The following INSYN2A variants were observed in gnomAD, a reference collection of about 807,000 sequenced individuals.
INSYN2A encodes inhibitory synaptic factor 2A, also known as family with sequence similarity 196 member A.
INSYN2A carries 17 observed loss-of-function variants against 39.4 expected under a neutral mutation model. The ratio of observed to expected loss-of-function variants is 0.43; its 90% confidence interval spans 0.30 to 0.65. The LOEUF (loss-of-function observed/expected upper bound fraction) is 0.65, where lower values mean the gene tolerates loss of function less well. Ranked by LOEUF, INSYN2A falls within the 30% of genes least tolerant of loss-of-function variation. The probability of loss-of-function intolerance (pLI) is 0.14; values close to 1 mark genes in which losing one functional copy is unlikely to be tolerated. For synonymous variants in INSYN2A, 255 were observed against 265.7 expected (o/e 0.96, Z 0.39); for missense variants, 595 against 631.2 (o/e 0.94, Z 0.61).
intron 2 of INSYN2A, among the ~76,000 whole-genome samples, chr10:127,183,071 CTTT>C (rs3066813): frequency 0.22 from 19,471 of 88,982 alleles, 1,853 homozygotes; most frequent in Middle Eastern, 0.3. Flanking sequence ...TATGGTGAAT[CTTT>C]TTTTTTTTTT....
intron 5 of INSYN2A, among the ~76,000 whole-genome samples, chr10:127,140,397 G>A (rs935552823): frequency 1.3e-5 from 2 of 152,206 alleles, no homozygotes; most frequent in African/African-American, 4.8e-5. Flanking sequence ...TTATGAGTCT[G>A]TGAGTGCCCA....
chr10:127,185,654 T>C (rs2056164167), intron 2 of INSYN2A, among the ~76,000 whole-genome samples: 1 of 152,212 alleles, frequency 6.6e-6, no homozygotes, highest in South Asian at 2.1e-4. Context: ...CCTGGCTGTA[T>C]AATGAAACAT....
intron 5 of INSYN2A, among the ~76,000 whole-genome samples, chr10:127,143,983 C>T (rs150708256): frequency 6.6e-6 from 1 of 152,184 alleles, no homozygotes. Flanking sequence ...CCCTGGATGA[C>T]TGCAGACCCT....
chr10:127,192,977 TAAAG>T (rs1216409152), intron 1 of INSYN2A, among the ~76,000 whole-genome samples: 5 of 152,218 alleles, frequency 3.3e-5, no homozygotes, highest in South Asian at 2.1e-4. Context: ...AGTATTGGAA[TAAAG>T]ACTTCTCTCA....
At chr10:127,171,071 T>C (rs1167526) in intron 4 of INSYN2A, among the ~76,000 whole-genome samples, 23 of 152,218 alleles carry the variant, frequency 1.5e-4, no homozygotes, top group Non-Finnish European at 3.1e-4. Context: ...GGGAGCTTTG[T>C]AGATACTGTA....
chr10:127,185,024 A>G (rs910795516), intron 2 of INSYN2A, among the ~76,000 whole-genome samples: 1 of 152,186 alleles, frequency 6.6e-6, no homozygotes, highest in African/African-American at 2.4e-5. Flanking sequence ...GCACAAGACC[A>G]TGTAAGAGGA....
At chr10:127,146,228 A>C in intron 5 of INSYN2A, 1 of 252,772 alleles carries the variant, frequency 4.0e-6, no homozygotes, top group Non-Finnish European at 7.9e-6. Context: ...TGGGACTATC[A>C]GTATAATTAG....
At chr10:127,170,765 A>G (rs182246356) in intron 4 of INSYN2A, among the ~76,000 whole-genome samples, 111 of 152,260 alleles carry the variant, frequency 7.3e-4, no homozygotes, top group Non-Finnish European at 1.3e-3. Context: ...TTAGCCTTCA[A>G]TGACTCCCAT....
rs1447640168 is a variant in INSYN2A, at chr10:127,176,146, A to G, written c.250T>C (p.Tyr84His). Reference sequence around the variant, plus strand: ...GCGGGCACTGTCATGTATTTGCGGTAGGCTGCTCTGCAGGACACGGGCTTG... The same window carrying G: ...GCGGGCACTGTCATGTATTTGCGGTGGGCTGCTCTGCAGGACACGGGCTTG... ...EAKPVSCRAA[Y>H]RKYMTVPARR... The change falls in exon 4 of 6, where the codon TAC (tyrosine) becomes CAC (histidine). Residue 84 changes from tyrosine (Y) to histidine (H), a missense_variant. Physicochemically the swap from Tyr to His is moderately conservative, Grantham distance 83. This residue lies in a region of INSYN2A where 478 missense variants were observed against 467.4 expected (regional missense o/e 1.02). Coordinates refer to ENST00000522781, the MANE Select transcript of INSYN2A (RefSeq NM_001039762.3). The surrounding 1 kb of genome is among the most constrained non-coding windows in gnomAD (Gnocchi z 4.4). 4 of 1,613,978 alleles carry G rather than the reference A, an allele frequency of 2.5e-6. No individual in the cohort carries two copies. Among genetic ancestry groups the G allele is most frequent in the Admixed American group, 1.7e-5 (1 of 60,006 alleles).
At position 127,185,073 on chromosome 10, in the gene INSYN2A, G is replaced by A. The variant is rs114211326; in HGVS notation, c.-269+7532C>T. 4.8e-3 allele frequency among the ~76,000 whole-genome samples: 724 copies of A among 152,310 alleles called. 6 individuals are homozygous for A. Among genetic ancestry groups the A allele is most frequent in the African/African-American group, 0.017 (690 of 41,572 alleles). On this transcript the variant is annotated intron_variant, in intron 2 of 5. Coordinates refer to ENST00000522781, the MANE Select transcript of INSYN2A (RefSeq NM_001039762.3). ...AGTGCTCCCTGGGGAGTCAGGGTAG[G>A]CTCTACCTGGGAGATGTGCAAGAGC... is the stretch of plus-strand genomic sequence containing the variant.
rs1193262574 is a variant in INSYN2A at position 127,196,407 on chromosome 10, T to TC, written c.-806dup. On this transcript the variant is annotated 5_prime_UTR_variant, in exon 1 of 6. Coordinates refer to ENST00000522781, the MANE Select transcript of INSYN2A (RefSeq NM_001039762.3). ...ATGTCCTCATTTACTGCAATTGTCT[T>TC]CGGCGAGATCTCAGAGCCAGGGCCA... Among the ~76,000 whole-genome samples the TC allele has an allele frequency of 1.3e-5, 2 of 148,434 alleles. No individual in the cohort carries two copies. Among genetic ancestry groups the TC allele is most frequent in the African/African-American group, 2.4e-5 (1 of 41,072 alleles).
Position 127,176,437 on chromosome 10 carries a change from C to A in INSYN2A, c.-5-37G>T. ...AACAGCAACAGAGGTGTCAGTGGGA[C>A]AGAAATACACACTCAAGCACCGGCC... On this transcript the variant is annotated intron_variant, in intron 3 of 5. Transcript: ENST00000522781. This position sits in a 1 kb window ranked among gnomAD's most constrained non-coding sequence, Gnocchi z 4.4. 1 of 1,519,210 alleles carries A rather than the reference C, an allele frequency of 6.6e-7. No individual in the cohort carries two copies. Among genetic ancestry groups the A allele is most frequent in the Non-Finnish European group, 8.9e-7 (1 of 1,124,434 alleles). 94.1% of individuals were successfully genotyped at this position (1,519,210 alleles called of 1,614,324 possible). A position where few individuals can be genotyped will look rare whatever the true frequency, so the allele number is the denominator to read the frequency against.
rs759450444 is a variant in INSYN2A at position 127,192,684 on chromosome 10, T to C, written c.-348A>G. On this transcript the variant is annotated 5_prime_UTR_variant, in exon 2 of 6. Transcript: ENST00000522781. ...TTATGGTTTTTCTCAATGTGAGAGG[T>C]AAGATCCTTGGTTGCCTGGAGATAC... 6.6e-6 allele frequency: 1 copy of C among 152,174 alleles called. No homozygotes were observed. Among genetic ancestry groups the C allele is most frequent in the Non-Finnish European group, 1.5e-5 (1 of 68,040 alleles). The allele number at this position is 152,174 out of a possible 1,614,324, so 9.4% of individuals were successfully genotyped here.
At chr10:127,152,211 C>T (rs777866963) in intron 5 of INSYN2A, among the ~76,000 whole-genome samples, 1 of 152,184 alleles carries the variant, frequency 6.6e-6, no homozygotes, top group Non-Finnish European at 1.5e-5. Context: ...CACTTCCTAA[C>T]GTACTGATGT....
Position 127,196,082 on chromosome 10 carries a change from C to T in INSYN2A, c.-480G>A, listed in dbSNP as rs1357234320. ...GCGGACCCTGGCAAGCCTGGGGCGG[C>T]ACGGAGCACTCCGGACAGGGCATCC... On this transcript the variant is annotated 5_prime_UTR_variant, in exon 1 of 6. Transcript: ENST00000522781. The T allele has an allele frequency of 6.6e-6, 1 of 152,180 alleles. No individual in the cohort carries two copies. Among genetic ancestry groups the T allele is most frequent in the Admixed American group, 6.5e-5 (1 of 15,278 alleles). The allele number at this position is 152,180 out of a possible 1,614,324, so 9.4% of individuals were successfully genotyped here. A position where few individuals can be genotyped will look rare whatever the true frequency, so the allele number is the denominator to read the frequency against.
chr10:127,143,498 T>G (rs2051473672), intron 5 of INSYN2A, among the ~76,000 whole-genome samples: 1 of 152,198 alleles, frequency 6.6e-6, no homozygotes, highest in Non-Finnish European at 1.5e-5. Context: ...GTGCTCCCAC[T>G]TCTCACAGCA....
At chr10:127,154,076 T>A (rs2052783845) in intron 4 of INSYN2A, among the ~76,000 whole-genome samples, 153 bp from the exon 5 acceptor site, 1 of 152,238 alleles carries the variant, frequency 6.6e-6, no homozygotes, top group South Asian at 2.1e-4. Flanking sequence ...CTCCTGTCTC[T>A]GCTTTCGTTG....
chr10:127,190,177 C>A lies in INSYN2A; in HGVS notation c.-269+2428G>T, dbSNP rs181594081. On this transcript the variant is annotated intron_variant, in intron 2 of 5. Transcript: ENST00000522781. ...CATTCTTTCTCTAAAAACTCAACTT[C>A]TACCCAACTGAATTTTCACCAAAGG... 2.0e-5 allele frequency among the ~76,000 whole-genome samples: 3 copies of A among 152,362 alleles called. No homozygotes were observed. The East Asian group carries it at 5.8e-4, about 29-fold the overall frequency.
intron 4 of INSYN2A, among the ~76,000 whole-genome samples, chr10:127,166,266 C>T (rs892365407): frequency 1.3e-5 from 2 of 152,082 alleles, no homozygotes; most frequent in South Asian, 4.2e-4. Flanking sequence ...AGGGTTTCAC[C>T]GTGTTAGGCA....
Sources: gnomAD v4.1 joint callset for allele counts (sites outside exome capture counted in the v4.1 genomes callset) on GRCh38, gnomAD v4.1.1 for gene constraint, gnomAD v4.1.1 regional missense constraint, Gnocchi (gnomAD v3.1) non-coding constraint, MANE v1.5 for transcripts, NCBI Gene and HGNC (gene_info 2026-07-23, HGNC 2026-07-21) for gene names.